NCAM1: variants seen among roughly 807,000 people sequenced by gnomAD.
The protein encoded by NCAM1 is antigen recognized by monoclonal antibody 5.1H11.
In NCAM1, 14 loss-of-function variants were observed where a neutral mutation model predicts 109.8. The ratio of observed to expected loss-of-function variants is 0.13; its 90% CI spans 0.08 to 0.20. NCAM1 has a LOEUF of 0.20. NCAM1 is among the 10% of genes least tolerant of loss of function. The pLI is 1.00. For synonymous variants in NCAM1, 418 were observed against 442.9 expected, an observed-to-expected ratio of 0.94 and a Z score of 0.70; for missense variants, 774 against 1,109.9, an observed-to-expected ratio of 0.70 and a Z score of 4.30.
chr11:113,250,187 T>TA (rs148093463), intron 15 of NCAM1, among the ~76,000 whole-genome samples: 1,815 of 152,314 alleles, frequency 0.012, 33 homozygotes, highest in African/African-American at 0.041. Flanking sequence ...TACCCACTCT[T>TA]ACACTGCCCG....
At chr11:113,202,675 C>G (rs1944104877) in intron 2 of NCAM1, among the ~76,000 whole-genome samples, 1 of 152,204 alleles carries the variant, frequency 6.6e-6, no homozygotes, top group Non-Finnish European at 1.5e-5. Context: ...CTAGACTTCA[C>G]CTTGACTACA....
At chr11:113,005,264 T>C (rs1555073125) in intron 1 of NCAM1, among the ~76,000 whole-genome samples, 2 of 152,176 alleles carry the variant, frequency 1.3e-5, no homozygotes, top group South Asian at 2.1e-4. Context: ...CTGGTGATCA[T>C]TGGCTATCCA....
intron 1 of NCAM1, among the ~76,000 whole-genome samples, chr11:113,021,974 G>A (rs1952397996): frequency 6.6e-6 from 1 of 152,182 alleles, no homozygotes; most frequent in South Asian, 2.1e-4. Flanking sequence ...GCTCATCATT[G>A]AAATGCTAAG....
intron 15 of NCAM1, among the ~76,000 whole-genome samples, chr11:113,251,837 T>C (rs1555121383): frequency 6.6e-6 from 1 of 152,240 alleles, no homozygotes; most frequent in Non-Finnish European, 1.5e-5. Context: ...CAGGCATTTC[T>C]TCTGCTAATG....
At chr11:113,189,736 A>G (rs1943620384) in intron 1 of NCAM1, among the ~76,000 whole-genome samples, 1 of 152,136 alleles carries the variant, frequency 6.6e-6, no homozygotes, top group South Asian at 2.1e-4. Flanking sequence ...TGCCTGTTGG[A>G]TGAAGCAAAG....
At chr11:113,264,658 C>T (rs1946097180) in intron 17 of NCAM1, 1 of 985,526 alleles carries the variant, frequency 1.0e-6, no homozygotes. Flanking sequence ...CCCAGGACCA[C>T]CCACAGGAGA....
At chr11:113,108,122 C>A (rs1430036381) in intron 1 of NCAM1, among the ~76,000 whole-genome samples, 2 of 152,112 alleles carry the variant, frequency 1.3e-5, no homozygotes, top group African/African-American at 4.8e-5. Context: ...TAAAGATTAA[C>A]TTATAGGAAT....
intron 1 of NCAM1, among the ~76,000 whole-genome samples, chr11:113,046,929 G>A (rs1953290606): frequency 6.6e-6 from 1 of 152,118 alleles, no homozygotes; most frequent in South Asian, 2.1e-4. Flanking sequence ...TAGATAGATG[G>A]TTAGATCAAT....
chr11:113,085,756 T>C (rs192989697), intron 1 of NCAM1, among the ~76,000 whole-genome samples: 1 of 152,312 alleles, frequency 6.6e-6, no homozygotes, highest in Non-Finnish European at 1.5e-5. Flanking sequence ...TGGCTCACTC[T>C]TTATCATCCT....
intron 1 of NCAM1, among the ~76,000 whole-genome samples, chr11:113,011,702 C>A (rs1480035479): frequency 6.6e-6 from 1 of 152,144 alleles, no homozygotes; most frequent in African/African-American, 2.4e-5. Context: ...GTAGCATAAG[C>A]AACCATAAAA....
intron 1 of NCAM1, among the ~76,000 whole-genome samples, chr11:113,029,470 C>T (rs1277041627): frequency 6.6e-6 from 1 of 152,046 alleles, no homozygotes; most frequent in African/African-American, 2.4e-5. Context: ...ACATTTTAAG[C>T]AATTCAGTAT....
intron 15 of NCAM1, among the ~76,000 whole-genome samples, chr11:113,250,190 A>G (rs11214553): frequency 6.6e-6 from 1 of 152,098 alleles, no homozygotes; most frequent in Non-Finnish European, 1.5e-5. Context: ...CCACTCTTAC[A>G]CTGCCCGGCT....
chr11:113,093,182 A>G (rs757640241), intron 1 of NCAM1, among the ~76,000 whole-genome samples: 1 of 152,180 alleles, frequency 6.6e-6, no homozygotes, highest in Non-Finnish European at 1.5e-5. Flanking sequence ...AACATGGATC[A>G]TCATCTTTGG....
At chr11:113,014,915 G>C (rs899180623) in intron 1 of NCAM1, among the ~76,000 whole-genome samples, 1 of 152,214 alleles carries the variant, frequency 6.6e-6, no homozygotes, top group Non-Finnish European at 1.5e-5. Context: ...AGAGCAGCAG[G>C]TGCTTCTGGA....
chr11:113,199,142 G>T (rs2136841398), intron 1 of NCAM1, among the ~76,000 whole-genome samples: 1 of 152,288 alleles, frequency 6.6e-6, no homozygotes, highest in African/African-American at 2.4e-5. Context: ...CGCAAGGAGT[G>T]TTTATGGAAA....
intron 16 of NCAM1, among the ~76,000 whole-genome samples, chr11:113,256,300 C>G (rs782002674): frequency 1.4e-4 from 22 of 152,176 alleles, no homozygotes; most frequent in Non-Finnish European, 2.9e-4. Flanking sequence ...TTGCCATTAT[C>G]TAGTACTTCT....
At chr11:113,154,696 C>T (rs1565467479) in intron 1 of NCAM1, among the ~76,000 whole-genome samples, 1 of 152,108 alleles carries the variant, frequency 6.6e-6, no homozygotes, top group African/African-American at 2.4e-5. Context: ...AGGAGGAAAG[C>T]TGAAGTTCAT....
At chr11:113,169,753 G>A (rs1477466327) in intron 1 of NCAM1, among the ~76,000 whole-genome samples, 1 of 151,486 alleles carries the variant, frequency 6.6e-6, no homozygotes, top group Non-Finnish European at 1.5e-5. Context: ...TCAGCCTACA[G>A]AGTAGCTGGG....
At chr11:113,234,274 A>G (rs1311941994) in intron 13 of NCAM1, among the ~76,000 whole-genome samples, 2 of 150,658 alleles carry the variant, frequency 1.3e-5, no homozygotes, top group Admixed American at 1.3e-4. Flanking sequence ...TTTTTTTTAA[A>G]GATCAATTCT....
Sources: allele counts gnomAD v4.1 joint callset (sites outside exome capture counted in the v4.1 genomes callset), GRCh38; gene constraint gnomAD v4.1.1; transcripts MANE v1.5; gene names NCBI Gene and HGNC (gene_info 2026-07-23, HGNC 2026-07-21).